The following EPB41L4A variants were observed in gnomAD, a reference collection of about 807,000 sequenced individuals.
EPB41L4A encodes the protein erythrocyte membrane protein band 4.1 like 4A, also known as band 4.1-like protein 4A.
A neutral mutation model predicts 108.6 loss-of-function variants in EPB41L4A; 100 were observed. The observed-to-expected ratio is 0.92, with a 90% CI of 0.78 to 1.09. The LOEUF is 1.09. Among genes scored for constraint, EPB41L4A ranks in the 50% least tolerant of loss-of-function variants. The pLI is 0.00. For synonymous variants in EPB41L4A, 319 were observed against 289.0 expected (o/e 1.10, Z -1.05); for missense variants, 1,030 against 842.7 (o/e 1.22, Z -2.75).
chr5:112,164,851 AGC>A lies in EPB41L4A; in HGVS notation c.*137_*138del. ...CATCTCAAAAAAAAAAAAAAAAAGA[AGC>A]AAAAGATAATGTATTTTCTCATGCT... On this transcript the variant is annotated 3_prime_UTR_variant, in exon 23 of 23. Coordinates refer to ENST00000261486, the MANE Select transcript of EPB41L4A (RefSeq NM_022140.5). 2 of 961,384 alleles carry A rather than the reference AGC, an allele frequency of 2.1e-6. No homozygotes were observed. The allele number at this position is 961,384 out of a possible 1,614,324, so 59.6% of individuals were successfully genotyped here.
At chr5:112,393,515 C>G (rs1580819329) in intron 1 of EPB41L4A, among the ~76,000 whole-genome samples, 1 of 152,180 alleles carries the variant, frequency 6.6e-6, no homozygotes, top group South Asian at 2.1e-4. Context: ...TCCCTGGACA[C>G]ATACACCTTC....
rs935897697 is a variant in EPB41L4A at position 112,208,725 on chromosome 5, A to G, written c.1178+1167T>C. ...GCACACGTACCCCTGGACCTAAAAT[A>G]AAAGTTGAAAAAATAAATTTTTAAA... On this transcript the variant is annotated intron_variant, in intron 13 of 22. Coordinates refer to ENST00000261486, the MANE Select transcript of EPB41L4A (RefSeq NM_022140.5). Among the ~76,000 whole-genome samples the G allele has an allele frequency of 4.1e-4, 62 of 152,324 alleles. 1 individual carries two copies. The highest frequency in any genetic ancestry group is 1.5e-3 in the African/African-American group (62 of 41,568).
intron 1 of EPB41L4A, among the ~76,000 whole-genome samples, chr5:112,314,330 C>A (rs1045538140): frequency 6.6e-6 from 1 of 151,406 alleles, no homozygotes; most frequent in African/African-American, 2.4e-5. Context: ...TTAATGAAAT[C>A]TTGATTCTTA....
intron 9 of EPB41L4A, among the ~76,000 whole-genome samples, chr5:112,248,569 G>A (rs1400234468): frequency 6.6e-6 from 1 of 152,074 alleles, no homozygotes; most frequent in Non-Finnish European, 1.5e-5. Flanking sequence ...TGCTCCATGG[G>A]TCTCTAGAGT....
At chr5:112,199,451 C>A (rs2150281572) in intron 15 of EPB41L4A, among the ~76,000 whole-genome samples, 1 of 152,272 alleles carries the variant, frequency 6.6e-6, no homozygotes, top group Middle Eastern at 3.4e-3. Flanking sequence ...AATGCTGGAG[C>A]TTCTTACAAC....
chr5:112,243,318 C>T (rs1352672159), intron 9 of EPB41L4A, among the ~76,000 whole-genome samples: 1 of 150,604 alleles, frequency 6.6e-6, no homozygotes, highest in Non-Finnish European at 1.5e-5. Flanking sequence ...GTTTCCTAAG[C>T]CATGCTGTAA....
intron 1 of EPB41L4A, among the ~76,000 whole-genome samples, chr5:112,415,860 G>A (rs1174268847): frequency 1.3e-5 from 2 of 152,108 alleles, no homozygotes; most frequent in Admixed American, 6.5e-5. Flanking sequence ...ACTGTGAACT[G>A]CATGAATAAG....
chr5:112,309,033 A>G lies in EPB41L4A; in HGVS notation c.100-1543T>C, dbSNP rs1257998332. 2.0e-5 allele frequency among the ~76,000 whole-genome samples: 3 copies of G among 152,206 alleles called. No homozygotes were observed. In the South Asian group the frequency reaches 6.2e-4, roughly 32 times the overall value. On this transcript the variant is annotated intron_variant, in intron 1 of 22. Coordinates refer to ENST00000261486, the MANE Select transcript of EPB41L4A (RefSeq NM_022140.5). ...ATTCCCTAACCCAAAGTTTATGAGC[A>G]AATTCTCCTAAGTACTTCTAAATAC...
At chr5:112,217,774 A>G (rs559552616) in intron 12 of EPB41L4A, among the ~76,000 whole-genome samples, 158 of 152,334 alleles carry the variant, frequency 1.0e-3, no homozygotes, top group African/African-American at 2.8e-3. Context: ...CTAGATATAC[A>G]TAGACTTTTT....
chr5:112,305,523 GT>G (rs1405626857), intron 2 of EPB41L4A, among the ~76,000 whole-genome samples: 3 of 151,824 alleles, frequency 2.0e-5, no homozygotes, highest in Non-Finnish European at 2.9e-5. Context: ...TTCACACAGG[GT>G]TTTTTTTAAA....
intron 1 of EPB41L4A, among the ~76,000 whole-genome samples, chr5:112,358,752 C>T (rs1758525072): frequency 1.3e-5 from 2 of 152,114 alleles, no homozygotes; most frequent in African/African-American, 4.8e-5. Flanking sequence ...AAGATATATA[C>T]AAGAATGTTC....
chr5:112,411,705 G>A (rs1008288487), intron 1 of EPB41L4A, among the ~76,000 whole-genome samples: 4 of 152,136 alleles, frequency 2.6e-5, no homozygotes, highest in Non-Finnish European at 5.9e-5. Flanking sequence ...CACAGGACAG[G>A]GAGCAGGGAG....
chr5:112,371,303 G>A (rs941318305), intron 1 of EPB41L4A, among the ~76,000 whole-genome samples: 11 of 152,158 alleles, frequency 7.2e-5, no homozygotes, highest in African/African-American at 2.4e-4. Flanking sequence ...AGTTAGCAAA[G>A]GAGCTATTAG....
chr5:112,247,362 G>A (rs1450233968), intron 9 of EPB41L4A, among the ~76,000 whole-genome samples: 2 of 152,082 alleles, frequency 1.3e-5, no homozygotes, highest in Non-Finnish European at 2.9e-5. Context: ...AAATTGTTAA[G>A]GTAAAGATCA....
chr5:112,190,446 CCATGAAT>C (rs1761639961), intron 17 of EPB41L4A, among the ~76,000 whole-genome samples: 1 of 152,034 alleles, frequency 6.6e-6, no homozygotes, highest in Non-Finnish European at 1.5e-5. Flanking sequence ...CAGCACCTAC[CCATGAAT>C]CACAAGTTAA....
rs142861323 is a variant in EPB41L4A at position 112,207,108 on chromosome 5, G to C, written c.1179-1604C>G. The C allele has an allele frequency of 4.0e-4, 61 of 152,280 alleles. 1 individual carries two copies. The East Asian group carries it at 0.011, about 26-fold the overall frequency. 9.4% of individuals were successfully genotyped at this position (152,280 alleles called of 1,614,324 possible). A position where few individuals can be genotyped will look rare whatever the true frequency, so the allele number is the denominator to read the frequency against. ...AACTGACAAAAAGACCAATGCAATA[G>C]GATAGAGAACCCAGAAACAAAGTCA... On this transcript the variant is annotated intron_variant, in intron 13 of 22. Transcript: ENST00000261486.
intron 1 of EPB41L4A, among the ~76,000 whole-genome samples, chr5:112,333,280 T>C (rs183512314): frequency 5.3e-5 from 8 of 149,836 alleles, no homozygotes; most frequent in Non-Finnish European, 8.9e-5. Flanking sequence ...AGGAAATATA[T>C]TGGGGGGTGG....
chr5:112,151,173 G>A (rs1381847481), intron 12 of EPB41L4A, among the ~76,000 whole-genome samples: 1 of 152,000 alleles, frequency 6.6e-6, no homozygotes, highest in Non-Finnish European at 1.5e-5. Context: ...CTGAGATGCA[G>A]GAGAGAATGA....
At chr5:112,199,474 T>G (rs944085322) in intron 15 of EPB41L4A, among the ~76,000 whole-genome samples, 2 of 152,206 alleles carry the variant, frequency 1.3e-5, no homozygotes, top group Admixed American at 1.3e-4. Context: ...TGTCATTGGC[T>G]TTGTCTTTTT....
Sources: gnomAD v4.1 joint callset for allele counts (sites outside exome capture counted in the v4.1 genomes callset) on GRCh38, gnomAD v4.1.1 for gene constraint, MANE v1.5 for transcripts, NCBI Gene and HGNC (gene_info 2026-07-23, HGNC 2026-07-21) for gene names.